SLC15A1: variants seen among roughly 807,000 people sequenced by gnomAD.
The protein encoded by SLC15A1 is solute carrier family 15 member 1, also known as Caco-2 oligopeptide transporter.
A neutral mutation model predicts 92.9 loss-of-function variants in SLC15A1; 83 were observed. The observed-to-expected ratio is 0.89, with a 90% CI of 0.75 to 1.07. The LOEUF (loss-of-function observed/expected upper bound fraction) is 1.07. Among genes scored for constraint, SLC15A1 ranks in the 50% least tolerant of loss-of-function variants. The probability of loss-of-function intolerance (pLI) is 0.00; values close to 1 mark genes in which losing one functional copy is unlikely to be tolerated. For missense variants in SLC15A1, 857 were observed against 880.1 expected (o/e 0.97, Z 0.33); for synonymous variants, 322 against 318.2 (o/e 1.01, Z -0.13).
At chr13:98,731,963 A>G (rs967093403) in intron 1 of SLC15A1, among the ~76,000 whole-genome samples, 1 of 152,200 alleles carries the variant, frequency 6.6e-6, no homozygotes, top group African/African-American at 2.4e-5. Flanking sequence ...TGCTTTTATT[A>G]TTACAGGGCA....
chr13:98,705,323 T>C (rs2139576042), intron 16 of SLC15A1, among the ~76,000 whole-genome samples: 2 of 151,980 alleles, frequency 1.3e-5, no homozygotes, highest in African/African-American at 4.8e-5. Flanking sequence ...ACAAGGGTGA[T>C]CTAGAGCAGG....
intron 1 of SLC15A1, among the ~76,000 whole-genome samples, chr13:98,732,995 G>C (rs986608701): frequency 6.6e-6 from 1 of 152,132 alleles, no homozygotes; most frequent in African/African-American, 2.4e-5. Flanking sequence ...AGATTATCCA[G>C]ACAGACCCAA....
chr13:98,752,517 CCCGGCCCTCGGTG>C, intron 1 of SLC15A1, 65 bp downstream of exon 1: 1 of 1,235,480 alleles, frequency 8.1e-7, no homozygotes, highest in Admixed American at 3.9e-5. Context: ...CTTCGCGCCT[CCCGGCCCTCGGTG>C]CCGGCCCCCG....
Position 98,711,947 on chromosome 13 carries a change from T to C in SLC15A1, c.811-4A>G. The C allele has an allele frequency of 1.2e-6, 2 of 1,608,914 alleles. No homozygotes were observed. The highest frequency in any genetic ancestry group is 8.5e-7 in the Non-Finnish European group (1 of 1,176,938). ...TAATTTGGGAGATGAGCCGCTCCTG[T>C]AGTTGGAGTGGGGAAGGGACAAATC... On this transcript the variant is annotated splice_polypyrimidine_tract_variant and splice_region_variant and intron_variant, in intron 10 of 22. Coordinates refer to ENST00000376503, the MANE Select transcript of SLC15A1 (RefSeq NM_005073.4).
intron 18 of SLC15A1, among the ~76,000 whole-genome samples, chr13:98,699,264 A>G (rs1303511053): frequency 1.3e-5 from 2 of 152,322 alleles, no homozygotes; most frequent in East Asian, 3.9e-4. Context: ...TTAACCACAG[A>G]GCTATGGCAG....
At chr13:98,732,649 A>G (rs2088360280) in intron 1 of SLC15A1, among the ~76,000 whole-genome samples, 1 of 152,170 alleles carries the variant, frequency 6.6e-6, no homozygotes, top group African/African-American at 2.4e-5. Context: ...TCCCTCAGCA[A>G]CTGAAGGCTG....
chr13:98,696,562 A>G (rs6491437), intron 18 of SLC15A1, among the ~76,000 whole-genome samples: 67,483 of 152,102 alleles, frequency 0.44, 16,535 homozygotes, highest in Non-Finnish European at 0.56. Context: ...CGGAAACCAC[A>G]TTCTGAGGCG....
Position 98,687,635 on chromosome 13 carries a change from G to A in SLC15A1, c.1773C>T (p.Leu591=). The change falls in exon 21 of 23, where the codon CTC becomes CTT. Residue 591 remains leucine (L), a synonymous_variant. Transcript: ENST00000376503. The part of the protein sequence containing the change: ...MALQIPQYFL[L]TCGEVVFSVT... ...CAGAGAAGACCACTTCGCCACAGGTGAGAAGAAAATACTGCGGGATTTGCA... is the reference window on the plus strand; with the variant it reads ...CAGAGAAGACCACTTCGCCACAGGTAAGAAGAAAATACTGCGGGATTTGCA... 1 of 1,614,198 alleles carries A rather than the reference G, an allele frequency of 6.2e-7. No homozygotes were observed. The highest frequency in any genetic ancestry group is 8.5e-7 in the Non-Finnish European group (1 of 1,180,028).
intron 1 of SLC15A1, among the ~76,000 whole-genome samples, chr13:98,737,600 C>T (rs2088404985): frequency 6.6e-6 from 1 of 152,192 alleles, no homozygotes; most frequent in Non-Finnish European, 1.5e-5. Flanking sequence ...TGATTTGAAG[C>T]TTCCAGAGGC....
At chr13:98,700,305 A>G (rs1410440670) in intron 18 of SLC15A1, among the ~76,000 whole-genome samples, 1 of 151,872 alleles carries the variant, frequency 6.6e-6, no homozygotes, top group African/African-American at 2.4e-5. Flanking sequence ...TGGGCAACAT[A>G]GTGAGACCCC....
intron 1 of SLC15A1, among the ~76,000 whole-genome samples, chr13:98,736,460 G>A (rs530179528): frequency 6.4e-4 from 97 of 152,166 alleles, no homozygotes; most frequent in Admixed American, 1.0e-3. Context: ...AACACCAAAA[G>A]CAATGACAAA....
At chr13:98,714,477 CA>C (rs1474715771) in intron 9 of SLC15A1, among the ~76,000 whole-genome samples, 1 of 151,754 alleles carries the variant, frequency 6.6e-6, no homozygotes, top group African/African-American at 2.4e-5. Flanking sequence ...GCCAACATGG[CA>C]AACCCTGTCT....
Position 98,726,176 on chromosome 13 carries a change from G to A in SLC15A1, c.192C>T (p.Tyr64=). Residue 64 remains tyrosine (Y), a synonymous_variant, in exon 4 of 23, where the codon TAC becomes TAT. Coordinates refer to ENST00000376503, the MANE Select transcript of SLC15A1 (RefSeq NM_005073.4). ...TAAGAGCTCCGAGAATTGGCGTCAG[G>A]TAGCACAGAGCCACAAACGTATGGT... is the stretch of plus-strand genomic sequence containing the variant. ...AIYHTFVALC[Y]LTPILGALIA... is the part of the protein sequence containing the mutation. 1 of 1,614,176 alleles carries A rather than the reference G, an allele frequency of 6.2e-7. No individual in the cohort carries two copies. The highest frequency in any genetic ancestry group is 1.3e-5 in the African/African-American group (1 of 75,038).
At chr13:98,702,409 G>T (rs1426421315) in intron 18 of SLC15A1, 71 bp downstream of exon 18, 3 of 1,002,872 alleles carry the variant, frequency 3.0e-6, no homozygotes, top group East Asian at 4.8e-5. Context: ...GTTACATTTG[G>T]ACTTTACTAT....
intron 8 of SLC15A1, among the ~76,000 whole-genome samples, chr13:98,717,492 G>T (rs2066311827): frequency 6.6e-6 from 1 of 152,180 alleles, no homozygotes. Flanking sequence ...GGAATGACTT[G>T]TACAGATGAG....
chr13:98,693,814 C>T (rs1022475743), intron 18 of SLC15A1, among the ~76,000 whole-genome samples: 5 of 152,160 alleles, frequency 3.3e-5, no homozygotes, highest in African/African-American at 1.2e-4. Flanking sequence ...GGAAGTAGAA[C>T]CTCAGGACCC....
intron 11 of SLC15A1, among the ~76,000 whole-genome samples, 184 bp downstream of exon 11, chr13:98,711,670 T>G (rs199609535): frequency 1.4e-4 from 4 of 27,746 alleles, no homozygotes; most frequent in Non-Finnish European, 4.0e-4. Flanking sequence ...CTTTTGGTTT[T>G]GTTTTGTTTT....
intron 14 of SLC15A1, 128 bp downstream of exon 14, chr13:98,709,444 T>C: frequency 1.4e-6 from 1 of 695,498 alleles, no homozygotes; most frequent in South Asian, 1.8e-5. Context: ...CGAACATTTG[T>C]TTTCTTCATT....
intron 11 of SLC15A1, 140 bp downstream of exon 11, chr13:98,711,714 A>G: frequency 1.1e-5 from 7 of 609,556 alleles, no homozygotes. Context: ...AATGTGATCT[A>G]ACAATTAAAC....
Sources: allele counts gnomAD v4.1 joint callset (sites outside exome capture counted in the v4.1 genomes callset), GRCh38; gene constraint gnomAD v4.1.1; transcripts MANE v1.5; gene names NCBI Gene and HGNC (gene_info 2026-07-23, HGNC 2026-07-21).